HELLS: variants seen among roughly 807,000 people sequenced by gnomAD.
The protein encoded by HELLS is helicase, lymphoid specific, also known as lymphoid-specific helicase.
Under a neutral mutation model 120.0 loss-of-function variants are expected in HELLS, and 32 were observed. That is an observed-to-expected ratio of 0.27 (90% CI 0.20 to 0.36). HELLS has a LOEUF of 0.36. HELLS is among the 10% of genes least tolerant of loss of function. The pLI is 1.00. For missense variants in HELLS, 650 were observed against 993.4 expected (o/e 0.65, Z 4.65); for synonymous variants, 341 against 323.4 (o/e 1.05, Z -0.58).
At chr10:94,570,046 T>A (rs1247623863) in intron 6 of HELLS, 1 of 151,622 alleles carries the variant, frequency 6.6e-6, no homozygotes, top group African/African-American at 2.4e-5. Context: ...TTTTTTTATT[T>A]TTATTTTTTT....
chr10:94,587,441 G>C (rs1159075444), intron 12 of HELLS, among the ~76,000 whole-genome samples: 1 of 152,046 alleles, frequency 6.6e-6, no homozygotes, highest in Non-Finnish European at 1.5e-5. Flanking sequence ...GTGTGTGTGT[G>C]TGTGGAGACA....
chr10:94,567,908 T>G (rs1843909305), intron 6 of HELLS, among the ~76,000 whole-genome samples: 1 of 144,862 alleles, frequency 6.9e-6, no homozygotes, highest in Non-Finnish European at 1.5e-5. Flanking sequence ...AACCCTGGTT[T>G]TTTTTTTTTT....
intron 2 of HELLS, among the ~76,000 whole-genome samples, chr10:94,551,496 G>A (rs550808393): frequency 2.0e-5 from 3 of 152,124 alleles, no homozygotes; most frequent in South Asian, 4.2e-4. Flanking sequence ...GAACCCGGGA[G>A]GCGGAGGCAG....
chr10:94,555,102 C>T (rs952410379), intron 3 of HELLS, among the ~76,000 whole-genome samples: 2 of 151,942 alleles, frequency 1.3e-5, no homozygotes, highest in African/African-American at 4.8e-5. Context: ...GTGATGGCAC[C>T]ACTGCATTCT....
rs1842739616 is a variant in HELLS, at chr10:94,546,045, C to A, written c.31+93C>A. 14 of 1,411,362 alleles carry A rather than the reference C, an allele frequency of 9.9e-6. No individual in the cohort carries two copies. In the South Asian group the frequency reaches 1.4e-4, roughly 14 times the overall value. The allele number at this position is 1,411,362 out of a possible 1,614,324, so 87.4% of individuals were successfully genotyped here. A position where few individuals can be genotyped will look rare whatever the true frequency, so the allele number is the denominator to read the frequency against. On this transcript the variant is annotated intron_variant, in intron 1 of 21. Transcript: ENST00000348459. The stretch of plus-strand genomic sequence containing the variant: ...TGCGGCGGAGTTTCGGGGAGGGAGC[C>A]GACCCCGGGCAGGGACTGAGGAGGA...
chr10:94,558,185 A>G lies in HELLS; in HGVS notation c.323A>G (p.Lys108Arg), dbSNP rs1318127302. ...TTGGAGAGAAAAAAGGAGTCTTTAA[A>G]AGTTAAAAAGGTAATATAGCCAGCC... The part of the protein sequence containing the change: ...EKLERKKESL[K>R]VKKGKNSIDA... Residue 108 changes from lysine (K) to arginine (R), a missense_variant, in exon 4 of 22, where the codon AAA (lysine) becomes AGA (arginine). Lys to Arg is a conservative substitution (Grantham distance 26). Around this residue, in one of 9 missense-constraint regions of HELLS, gnomAD observed 113 missense variants for 120.7 expected, o/e 0.94. Coordinates refer to ENST00000348459, the MANE Select transcript of HELLS (RefSeq NM_018063.5). 6.4e-7 allele frequency: 1 copy of G among 1,564,744 alleles called. No homozygotes were observed. Among genetic ancestry groups the G allele is most frequent in the Non-Finnish European group, 8.6e-7 (1 of 1,163,350 alleles).
intron 21 of HELLS, among the ~76,000 whole-genome samples, chr10:94,600,532 G>A (rs1186264917): frequency 3.3e-5 from 5 of 152,028 alleles, no homozygotes; most frequent in Non-Finnish European, 5.9e-5. Flanking sequence ...CAACTTTCAC[G>A]AAAAGCTAAT....
intron 9 of HELLS, among the ~76,000 whole-genome samples, chr10:94,609,076 T>G (rs1323345251): frequency 7.4e-6 from 1 of 134,782 alleles, no homozygotes; most frequent in Non-Finnish European, 1.5e-5. Context: ...CAGGCTGGAG[T>G]GCAGTGGTGC....
chr10:94,577,201 C>G (rs543089998), intron 10 of HELLS: 3 of 295,854 alleles, frequency 1.0e-5, no homozygotes, highest in Non-Finnish European at 2.0e-5. Flanking sequence ...GTAGCATTTT[C>G]GTTTCTATTT....
intron 2 of HELLS, among the ~76,000 whole-genome samples, chr10:94,552,556 A>G (rs945264826): frequency 3.9e-5 from 6 of 152,214 alleles, no homozygotes; most frequent in Non-Finnish European, 5.9e-5. Context: ...TTGTTTTCAG[A>G]TATTACACTA....
chr10:94,554,935 G>T (rs1289761816), intron 3 of HELLS, among the ~76,000 whole-genome samples: 1 of 152,048 alleles, frequency 6.6e-6, no homozygotes, highest in Non-Finnish European at 1.5e-5. Context: ...GATTGCTTGA[G>T]CCCAGAAGTT....
intron 19 of HELLS, 145 bp downstream of exon 19, chr10:94,594,999 G>A (rs1439079973): frequency 1.7e-6 from 1 of 594,192 alleles, no homozygotes; most frequent in East Asian, 2.9e-5. Context: ...GGATGCCAAG[G>A]TGAGTGGATC....
chr10:94,561,059 AAAAAAAAC>A (rs931854950), intron 4 of HELLS, among the ~76,000 whole-genome samples: 21 of 147,374 alleles, frequency 1.4e-4, no homozygotes, highest in Non-Finnish European at 2.9e-4. Context: ...CTGTCTCAAA[AAAAAAAAC>A]AAAAAAACAA....
intron 3 of HELLS, 150 bp downstream of exon 3, chr10:94,554,398 C>T: frequency 1.9e-6 from 1 of 519,108 alleles, no homozygotes; most frequent in Non-Finnish European, 3.2e-6. Context: ...TGTGTAACCA[C>T]CAGCACAATC....
intron 7 of HELLS, among the ~76,000 whole-genome samples, chr10:94,572,620 G>T (rs1327240841): frequency 6.6e-6 from 1 of 152,124 alleles, no homozygotes; most frequent in Non-Finnish European, 1.5e-5. Context: ...TGACTTTTAT[G>T]AGTAAGGTTG....
At chr10:94,576,273 T>A (rs1047299616) in intron 9 of HELLS, among the ~76,000 whole-genome samples, 3 of 152,156 alleles carry the variant, frequency 2.0e-5, no homozygotes, top group African/African-American at 7.2e-5. Context: ...CTCACTCCAC[T>A]GGGTGAGTAG....
chr10:94,607,875 A>G (rs1214785907), intron 8 of HELLS: 3 of 404,624 alleles, frequency 7.4e-6, no homozygotes, highest in South Asian at 3.6e-5. Context: ...TTACAGGTGC[A>G]TGCCACCACA....
intron 13 of HELLS, 45 bp downstream of exon 13, chr10:94,588,435 A>C (rs753365527): frequency 8.5e-6 from 12 of 1,419,016 alleles, no homozygotes; most frequent in Admixed American, 5.0e-5. Context: ...TTGACATATA[A>C]AATTTCTCTT....
At chr10:94,604,124 CTT>C (rs1197097813), downstream of HELLS, among the ~76,000 whole-genome samples, 46 of 130,374 alleles carry the variant, frequency 3.5e-4, 1 homozygote, top group African/African-American at 1.1e-3. Flanking sequence ...CCACATCTGG[CTT>C]TTTTTTTTTT....
Sources: gnomAD v4.1 joint callset for allele counts (sites outside exome capture counted in the v4.1 genomes callset) on GRCh38, gnomAD v4.1.1 for gene constraint, gnomAD v4.1.1 regional missense constraint, MANE v1.5 for transcripts, NCBI Gene and HGNC (gene_info 2026-07-23, HGNC 2026-07-21) for gene names.